Variants in HUNK observed in about 807,000 individuals in gnomAD.
The protein encoded by HUNK is hormonally up-regulated Neu-associated kinase.
Under a neutral mutation model 61.0 loss-of-function variants are expected in HUNK, and 21 were observed. That is an observed-to-expected ratio of 0.34 (90% confidence interval 0.24 to 0.50). HUNK has a LOEUF of 0.50. Ranked by LOEUF, HUNK falls within the 20% of genes least tolerant of loss-of-function variation. HUNK has a pLI of 0.98. For missense variants in HUNK, 772 were observed against 945.7 expected (o/e 0.82, Z 2.41); for synonymous variants, 371 against 386.1 (o/e 0.96, Z 0.46).
At chr21:31,955,114 G>A (rs1165746781) in intron 4 of HUNK, among the ~76,000 whole-genome samples, 1 of 152,078 alleles carries the variant, frequency 6.6e-6, no homozygotes, top group African/African-American at 2.4e-5. Context: ...AAGTTCTCAG[G>A]TAGTGCTGAT....
intron 1 of HUNK, among the ~76,000 whole-genome samples, chr21:31,874,361 C>A (rs1278787525): frequency 6.6e-6 from 1 of 151,228 alleles, no homozygotes; most frequent in Admixed American, 6.6e-5. Context: ...AAGCTAACAG[C>A]CAGCCTCTGG....
At chr21:31,942,752 C>T (rs765459573) in intron 3 of HUNK, among the ~76,000 whole-genome samples, 2 of 152,104 alleles carry the variant, frequency 1.3e-5, no homozygotes, top group African/African-American at 2.4e-5. Context: ...AGCAGGATGC[C>T]CGCACCTGCT....
chr21:31,930,386 C>T (rs142299850), intron 2 of HUNK, among the ~76,000 whole-genome samples: 43 of 152,324 alleles, frequency 2.8e-4, no homozygotes, highest in Non-Finnish European at 4.6e-4. Flanking sequence ...ATTTTATCCA[C>T]GGGAAGCTGA....
At chr21:31,942,263 C>G (rs2123828710) in intron 3 of HUNK, among the ~76,000 whole-genome samples, 1 of 152,328 alleles carries the variant, frequency 6.6e-6, no homozygotes, top group East Asian at 1.9e-4. Context: ...TTCCACATCT[C>G]AGGAGGTGGG....
intron 2 of HUNK, among the ~76,000 whole-genome samples, chr21:31,926,178 G>A (rs60002787): frequency 2.0e-5 from 3 of 151,950 alleles, no homozygotes; most frequent in Admixed American, 6.6e-5. Context: ...TCGGCCTCCC[G>A]AAGTGCTGGG....
intron 2 of HUNK, among the ~76,000 whole-genome samples, chr21:31,934,822 C>A (rs780685063): frequency 6.6e-6 from 1 of 152,112 alleles, no homozygotes; most frequent in Non-Finnish European, 1.5e-5. Context: ...ATCCATGTTG[C>A]TGCAGAGGGC....
chr21:31,965,615 AT>A (rs1476949177), intron 5 of HUNK, among the ~76,000 whole-genome samples: 1 of 96,002 alleles, frequency 1.0e-5, no homozygotes, highest in Non-Finnish European at 2.2e-5. Context: ...TTTTTTTTTA[AT>A]TTTGAGACGG....
chr21:31,974,753 C>A, intron 7 of HUNK, 36 bp downstream of exon 7: 2 of 1,546,998 alleles, frequency 1.3e-6, no homozygotes, highest in Non-Finnish European at 1.7e-6. Flanking sequence ...TCTCTGCTGT[C>A]TGTGGAAAAA....
At position 31,999,877 on chromosome 21, in the gene HUNK, T is replaced by TC; in HGVS notation, c.*693_*694insC. ...ATGATTGAATTATCTTTTCCAAAGATTTTTTTTAAATGTGATGTCGGTAAA... is the reference window on the plus strand; with the variant it reads ...ATGATTGAATTATCTTTTCCAAAGATCTTTTTTTAAATGTGATGTCGGTAAA... On this transcript the variant is annotated 3_prime_UTR_variant, in exon 11 of 11. Transcript: ENST00000270112. 5.9e-6 allele frequency: 1 copy of TC among 170,574 alleles called. No homozygotes were observed. The highest frequency in any genetic ancestry group is 9.3e-6 in the Non-Finnish European group (1 of 107,514). The allele number at this position is 170,574 out of a possible 1,614,324, so 10.6% of individuals were successfully genotyped here.
At chr21:31,913,690 G>A (rs1196013469) in intron 1 of HUNK, among the ~76,000 whole-genome samples, 1 of 151,908 alleles carries the variant, frequency 6.6e-6, no homozygotes, top group African/African-American at 2.4e-5. Context: ...GCACTCATGG[G>A]CAGATGGACA....
At position 31,998,741 on chromosome 21, in the gene HUNK, G is replaced by A. The variant is rs376551019; in HGVS notation, c.1702G>A (p.Asp568Asn). The A allele has an allele frequency of 5.2e-5, 84 of 1,614,084 alleles. No individual in the cohort carries two copies. The highest frequency in any genetic ancestry group is 6.5e-5 in the Non-Finnish European group (77 of 1,180,024). Residue 568 changes from aspartate (D) to asparagine (N), a missense_variant, in exon 11 of 11, where the codon GAC becomes AAC. By Grantham distance (23) the Asp-to-Asn change is conservative. Coordinates refer to ENST00000270112, the MANE Select transcript of HUNK (RefSeq NM_014586.2). ...GCGCTCCTTCGAGTCTGTGGATCGC[G>A]ACGACCACGTAGAAGTGCTGTCTCC... is the stretch of plus-strand genomic sequence containing the variant. ...MVRSFESVDRDDHVEVLSPSH... is the reference protein window; with the variant it reads ...MVRSFESVDRNDHVEVLSPSH...
chr21:31,947,664 G>A (rs955392734), intron 4 of HUNK, among the ~76,000 whole-genome samples: 4 of 152,190 alleles, frequency 2.6e-5, no homozygotes, highest in Non-Finnish European at 5.9e-5. Flanking sequence ...AATATTTGGA[G>A]GATGAATCCT....
chr21:31,906,750 C>G (rs908638283), intron 1 of HUNK, among the ~76,000 whole-genome samples: 2 of 151,192 alleles, frequency 1.3e-5, no homozygotes, highest in Admixed American at 1.3e-4. Flanking sequence ...GTTTTGAGTG[C>G]TAGGTCTCAG....
rs2053231088 is a variant in HUNK at position 31,999,398 on chromosome 21, C to A, written c.*214C>A. ...TAGGAGGGTTGGCTCCAGGGGCAGCCAATTCCTATCATTCAGATCTTCCTT... is the reference window on the plus strand; with the variant it reads ...TAGGAGGGTTGGCTCCAGGGGCAGCAAATTCCTATCATTCAGATCTTCCTT... On this transcript the variant is annotated 3_prime_UTR_variant, in exon 11 of 11. Coordinates refer to ENST00000270112, the MANE Select transcript of HUNK (RefSeq NM_014586.2). The A allele has an allele frequency of 1.9e-6, 1 of 520,824 alleles. No individual in the cohort carries two copies. Among genetic ancestry groups the A allele is most frequent in the Non-Finnish European group, 3.4e-6 (1 of 297,482 alleles). 32.3% of individuals were successfully genotyped at this position (520,824 alleles called of 1,614,324 possible).
rs752047869 is a variant in HUNK, at chr21:31,998,507, A to G, written c.1487-19A>G. Reference sequence around the variant, plus strand: ...TGTCCGGACGTCCTCATGATTGTTTATGCTTTCTTGGTGTGCAGATTCCTT... The same window carrying G: ...TGTCCGGACGTCCTCATGATTGTTTGTGCTTTCTTGGTGTGCAGATTCCTT... On this transcript the variant is annotated intron_variant, in intron 10 of 10. Coordinates refer to ENST00000270112, the MANE Select transcript of HUNK (RefSeq NM_014586.2). 6.4e-7 allele frequency: 1 copy of G among 1,557,604 alleles called. No individual in the cohort carries two copies.
intron 1 of HUNK, among the ~76,000 whole-genome samples, chr21:31,896,797 A>T (rs2052427825): frequency 6.6e-6 from 1 of 152,212 alleles, no homozygotes; most frequent in Non-Finnish European, 1.5e-5. Flanking sequence ...TTTGCGTATG[A>T]TTTGTGTGAA....
At chr21:31,965,246 A>G (rs1455431905) in intron 5 of HUNK, among the ~76,000 whole-genome samples, 4 of 152,028 alleles carry the variant, frequency 2.6e-5, no homozygotes, top group Non-Finnish European at 5.9e-5. Flanking sequence ...GAGCTAAGTA[A>G]TGAGAACTCA....
At chr21:31,972,295 A>C (rs953239807) in intron 6 of HUNK, among the ~76,000 whole-genome samples, 1 of 152,176 alleles carries the variant, frequency 6.6e-6, no homozygotes, top group Non-Finnish European at 1.5e-5. Context: ...TGCTCAATTC[A>C]AATTATATCT....
At chr21:31,892,174 T>G (rs1376501204) in intron 1 of HUNK, among the ~76,000 whole-genome samples, 33 of 122,020 alleles carry the variant, frequency 2.7e-4, no homozygotes, top group Non-Finnish European at 5.2e-4. Flanking sequence ...TATATATATA[T>G]ATATATAGAG....
Sources: gnomAD v4.1 joint callset for allele counts (sites outside exome capture counted in the v4.1 genomes callset) on GRCh38, gnomAD v4.1.1 for gene constraint, MANE v1.5 for transcripts, NCBI Gene and HGNC (gene_info 2026-07-23, HGNC 2026-07-21) for gene names.